PRCC: variants seen among roughly 807,000 people sequenced by gnomAD.
PRCC encodes the protein proline rich mitotic checkpoint control factor.
PRCC carries 10 observed loss-of-function variants against 44.0 expected under a neutral mutation model. That is an observed-to-expected ratio of 0.23 (90% confidence interval 0.14 to 0.39). The LOEUF (loss-of-function observed/expected upper bound fraction) is 0.39, where lower values mean the gene tolerates loss of function less well. Ranked by LOEUF, PRCC falls within the 10% of genes least tolerant of loss-of-function variation. The pLI is 1.00. For missense variants in PRCC, 573 were observed against 624.7 expected, an observed-to-expected ratio of 0.92 and a Z score of 0.88; for synonymous variants, 278 against 259.5, an observed-to-expected ratio of 1.07 and a Z score of -0.69.
At chr1:156,770,271 C>T (rs1571569889) in intron 1 of PRCC, among the ~76,000 whole-genome samples, 1 of 152,286 alleles carries the variant, frequency 6.6e-6, no homozygotes, top group East Asian at 1.9e-4. Flanking sequence ...GTTGAGTTTC[C>T]CATTTTTGTT....
intron 1 of PRCC, among the ~76,000 whole-genome samples, chr1:156,779,129 T>TATATATATATATATATATATA (rs1491456608): frequency 5.5e-4 from 9 of 16,368 alleles, no homozygotes; most frequent in Non-Finnish European, 7.2e-4. Context: ...TATATATATA[T>TATATATATATATATATATATA]TTTTTTTTTT....
chr1:156,768,343 G>GGATTC lies in PRCC; in HGVS notation c.468+105_468+109dup, dbSNP rs1440233133. On this transcript the variant is annotated intron_variant, in intron 1 of 6. Transcript: ENST00000271526. Reference sequence around the variant, plus strand: ...AACTCCTTCCTACAAACGCATCCGTGGATTCAAGGCCACTGGAATCCTCTT... The same window carrying GGATTC: ...AACTCCTTCCTACAAACGCATCCGTGGATTCGATTCAAGGCCACTGGAATCCTCTT... 11 of 1,208,674 alleles carry GGATTC rather than the reference G, an allele frequency of 9.1e-6. No homozygotes were observed. The East Asian group carries it at 2.5e-4, about 28-fold the overall frequency. 74.9% of individuals were successfully genotyped at this position (1,208,674 alleles called of 1,614,324 possible).
At chr1:156,785,803 CAG>C (rs1652220963) in intron 2 of PRCC, among the ~76,000 whole-genome samples, 1 of 126,298 alleles carries the variant, frequency 7.9e-6, no homozygotes, top group Non-Finnish European at 1.6e-5. Context: ...CTCCCTTGGT[CAG>C]GGGAAGGGAC....
Position 156,797,424 on chromosome 1 carries a change from C to T in PRCC, c.1389+83C>T, listed in dbSNP as rs981549544. ...AAGGCTGAGATACGAGTTAGAAGCCCAGATGCTTATCTTTTAGCAGCCCAT... is the reference window on the plus strand; with the variant it reads ...AAGGCTGAGATACGAGTTAGAAGCCTAGATGCTTATCTTTTAGCAGCCCAT... On this transcript the variant is annotated intron_variant, in intron 6 of 6. Transcript: ENST00000271526. The T allele has an allele frequency of 6.6e-6, 10 of 1,523,168 alleles. No homozygotes were observed. The Admixed American group carries it at 1.5e-4, about 24-fold the overall frequency. 94.4% of individuals were successfully genotyped at this position (1,523,168 alleles called of 1,614,324 possible).
chr1:156,797,263 T>C lies in PRCC; in HGVS notation c.1324-13T>C. The C allele has an allele frequency of 6.2e-7, 1 of 1,614,142 alleles. No individual in the cohort carries two copies. Among genetic ancestry groups the C allele is most frequent in the Non-Finnish European group, 8.5e-7 (1 of 1,179,994 alleles). On this transcript the variant is annotated splice_polypyrimidine_tract_variant and intron_variant, in intron 5 of 6. Coordinates refer to ENST00000271526, the MANE Select transcript of PRCC (RefSeq NM_005973.5). ...ATCCTGTGGATTAATGAATATGTTT[T>C]CTTCTCTTGCAGAAGAAAGGTGAGC...
chr1:156,781,845 C>T (rs1345430623), intron 1 of PRCC, among the ~76,000 whole-genome samples: 1 of 152,192 alleles, frequency 6.6e-6, no homozygotes, highest in African/African-American at 2.4e-5. Flanking sequence ...GTTATGTAGT[C>T]TATATAAGTG....
intron 1 of PRCC, among the ~76,000 whole-genome samples, chr1:156,777,187 G>GCT (rs71593864): frequency 9.7e-4 from 148 of 152,162 alleles, no homozygotes; most frequent in Non-Finnish European, 1.6e-3. Context: ...TGTGCTTCAT[G>GCT]CTCTCTCAGC....
Position 156,767,596 on chromosome 1 carries a change from C to T in PRCC, c.-176C>T. The T allele has an allele frequency of 3.1e-6, 2 of 645,992 alleles. No individual in the cohort carries two copies. Among genetic ancestry groups the T allele is most frequent in the South Asian group, 2.0e-5 (1 of 50,768 alleles). 40.0% of individuals were successfully genotyped at this position (645,992 alleles called of 1,614,324 possible). ...CTTAAGTGAAGAGGTACGCCTTGTTCGGTGGAAATCAGCCGTAGCCATGAG... is the reference window on the plus strand; with the variant it reads ...CTTAAGTGAAGAGGTACGCCTTGTTTGGTGGAAATCAGCCGTAGCCATGAG... On this transcript the variant is annotated 5_prime_UTR_variant, in exon 1 of 7. Coordinates refer to ENST00000271526, the MANE Select transcript of PRCC (RefSeq NM_005973.5).
Position 156,794,787 on chromosome 1 carries a change from A to G in PRCC, c.1302A>G (p.Lys434=). 2 of 1,614,196 alleles carry G rather than the reference A, an allele frequency of 1.2e-6. No individual in the cohort carries two copies. The highest frequency in any genetic ancestry group is 1.7e-6 in the Non-Finnish European group (2 of 1,180,022). The change falls in exon 5 of 7, where the codon AAA becomes AAG. Residue 434 remains lysine (K), a synonymous_variant. Transcript: ENST00000271526. ...TGACTAAGTCATTGACAGAAGAGAA[A>G]ACCATGAAGTCATTCAGCAAAGTAA... The part of the protein sequence containing the change: ...QWMTKSLTEE[K]TMKSFSKKKG...
At chr1:156,775,816 A>T (rs764640992) in intron 1 of PRCC, among the ~76,000 whole-genome samples, 15 of 151,870 alleles carry the variant, frequency 9.9e-5, no homozygotes, top group Non-Finnish European at 1.5e-4. Flanking sequence ...GCTAATTTTT[A>T]AAATTTTTTG....
Position 156,768,962 on chromosome 1 carries a change from C to A in PRCC, c.468+723C>A, listed in dbSNP as rs56074731. ...ATTCATCATTTAGCTATGGTCAAAG[C>A]TAGGTGAGTTAGGATGCTTGGGTAC... On this transcript the variant is annotated intron_variant, in intron 1 of 6. Coordinates refer to ENST00000271526, the MANE Select transcript of PRCC (RefSeq NM_005973.5). 3.2e-3 allele frequency among the ~76,000 whole-genome samples: 487 copies of A among 152,232 alleles called. 3 individuals carry two copies. Among genetic ancestry groups the A allele is most frequent in the African/African-American group, 0.011 (463 of 41,534 alleles).
chr1:156,795,574 C>A (rs1463488567), intron 5 of PRCC, among the ~76,000 whole-genome samples: 2 of 152,222 alleles, frequency 1.3e-5, no homozygotes, highest in East Asian at 3.8e-4. Context: ...GCATGAGCCA[C>A]TATACCCGGC....
At chr1:156,787,334 TC>T (rs1260087223) in intron 3 of PRCC, among the ~76,000 whole-genome samples, 160 bp downstream of exon 3, 1 of 152,038 alleles carries the variant, frequency 6.6e-6, no homozygotes, top group Non-Finnish European at 1.5e-5. Flanking sequence ...ACCATATTAA[TC>T]TAAATTGCCC....
At chr1:156,775,512 A>T (rs1159283210) in intron 1 of PRCC, among the ~76,000 whole-genome samples, 25 of 136,594 alleles carry the variant, frequency 1.8e-4, no homozygotes, top group Admixed American at 1.3e-3. Context: ...CCGATTTAAA[A>T]TTTTTTTTTT....
chr1:156,774,280 A>G (rs1369548324), intron 1 of PRCC, among the ~76,000 whole-genome samples: 2 of 141,016 alleles, frequency 1.4e-5, no homozygotes, highest in South Asian at 2.2e-4. Context: ...GGTTCAAGCA[A>G]TTCTCCTGCC....
At chr1:156,775,944 G>A (rs1651814004) in intron 1 of PRCC, among the ~76,000 whole-genome samples, 1 of 152,178 alleles carries the variant, frequency 6.6e-6, no homozygotes, top group Non-Finnish European at 1.5e-5. Flanking sequence ...ACTGTGCCTG[G>A]CCATCCCCGC....
intron 2 of PRCC, among the ~76,000 whole-genome samples, chr1:156,785,477 C>T (rs1247935051): frequency 6.6e-6 from 1 of 151,494 alleles, no homozygotes; most frequent in Admixed American, 6.6e-5. Context: ...CATGTCACTG[C>T]ACTCCATCCT....
intron 4 of PRCC, among the ~76,000 whole-genome samples, chr1:156,793,422 G>A (rs1652557353): frequency 6.6e-6 from 1 of 151,668 alleles, no homozygotes; most frequent in African/African-American, 2.4e-5. Flanking sequence ...ACCTCTGGAT[G>A]ACTTGTGTGA....
chr1:156,791,179 C>G (rs775202300), intron 3 of PRCC: 6 of 1,382,398 alleles, frequency 4.3e-6, no homozygotes, highest in Non-Finnish European at 5.9e-6. Context: ...TTCATTGTAT[C>G]CTAATAGTGG....
Sources: gnomAD v4.1 joint callset for allele counts (sites outside exome capture counted in the v4.1 genomes callset) on GRCh38, gnomAD v4.1.1 for gene constraint, MANE v1.5 for transcripts, NCBI Gene and HGNC (gene_info 2026-07-23, HGNC 2026-07-21) for gene names.